The following ANO9 variants were observed in gnomAD, a reference collection of about 807,000 sequenced individuals.
ANO9 encodes anoctamin-9.
ANO9 carries 80 observed loss-of-function variants against 100.5 expected under a neutral mutation model. The observed-to-expected ratio is 0.80, with a 90% confidence interval of 0.66 to 0.96. The LOEUF (loss-of-function observed/expected upper bound fraction) is 0.96, where lower values mean the gene tolerates loss of function less well. Among genes scored for constraint, ANO9 ranks in the 40% least tolerant of loss-of-function variants. The probability of loss-of-function intolerance (pLI) is 0.00; values close to 1 mark genes in which losing one functional copy is unlikely to be tolerated. For missense variants in ANO9, 1,064 were observed against 1,072.7 expected (o/e 0.99, Z 0.11); for synonymous variants, 473 against 435.6 (o/e 1.09, Z -1.07).
At chr11:433,207 C>G in intron 4 of ANO9, 107 bp downstream of exon 4, 1 of 1,464,396 alleles carries the variant, frequency 6.8e-7, no homozygotes, top group African/African-American at 1.4e-5. Context: ...CACGGCTGTC[C>G]TGCCTTGGCG....
rs1331287524 is a variant in ANO9, at chr11:425,972, T to TCCTC, written c.1334+2112_1334+2115dup. On this transcript the variant is annotated intron_variant, in intron 15 of 22. Coordinates refer to ENST00000332826, the MANE Select transcript of ANO9 (RefSeq NM_001012302.3). ...TACTCTCAATCTCTTGACCTCATGA[T>TCCTC]CCTCGTGCCTCGGCCTCCCAAAGTG... Among the ~76,000 whole-genome samples, 3 of 152,182 alleles carry TCCTC rather than the reference T, an allele frequency of 2.0e-5. No individual in the cohort carries two copies. In the East Asian group the frequency reaches 5.8e-4, roughly 29 times the overall value.
intron 1 of ANO9, 125 bp downstream of exon 1, chr11:441,796 G>A: frequency 7.1e-7 from 1 of 1,406,276 alleles, no homozygotes; most frequent in Non-Finnish European, 9.4e-7. Context: ...GCAGCCTGCA[G>A]GGACCCCCCC....
Position 428,625 on chromosome 11 carries a change from G to T in ANO9, c.1035C>A (p.Ile345=). Residue 345 remains isoleucine (I), a synonymous_variant, in exon 13 of 23, where the codon ATC becomes ATA. Coordinates refer to ENST00000332826, the MANE Select transcript of ANO9 (RefSeq NM_001012302.3). ...AGACCACCAGGACGTGGGCCATGCC[G>T]ATCATGAGGCAGATCTGCGGGACAG... The part of the protein sequence containing the change: ...VLTLLMICLM[I]GMAHVLVVYR... 1 of 1,611,952 alleles carries T rather than the reference G, an allele frequency of 6.2e-7. No homozygotes were observed.
At chr11:423,309 T>C (rs1381940138) in intron 15 of ANO9, among the ~76,000 whole-genome samples, 1 of 152,134 alleles carries the variant, frequency 6.6e-6, no homozygotes, top group Non-Finnish European at 1.5e-5. Context: ...ACTGGAATTG[T>C]CAGAATCCAT....
chr11:420,296 C>T, intron 19 of ANO9, 167 bp downstream of exon 19: 2 of 1,443,002 alleles, frequency 1.4e-6, no homozygotes, highest in Non-Finnish European at 1.8e-6. Flanking sequence ...TGGTACCCTC[C>T]CACCCAGGCT....
rs762745872 is a variant in ANO9, at chr11:427,180, T to C, written c.1334+908A>G. Reference sequence around the variant, plus strand: ...GCCTGGCCAACATGGTGAAACCCTTTCTCTACAAAAAATACAAAAATTAGC... The same window carrying C: ...GCCTGGCCAACATGGTGAAACCCTTCCTCTACAAAAAATACAAAAATTAGC... On this transcript the variant is annotated intron_variant, in intron 15 of 22. Transcript: ENST00000332826. Among the ~76,000 whole-genome samples, 42 of 152,218 alleles carry C rather than the reference T, an allele frequency of 2.8e-4. 1 individual carries two copies. The highest frequency in any genetic ancestry group is 4.6e-4 in the Admixed American group (7 of 15,294).
intron 15 of ANO9, among the ~76,000 whole-genome samples, chr11:425,648 GA>G (rs1007088858): frequency 6.8e-6 from 1 of 146,242 alleles, no homozygotes; most frequent in Admixed American, 6.7e-5. Context: ...CAATTCATAG[GA>G]AAAAAAATAC....
rs555825323 is a variant in ANO9 at position 420,474 on chromosome 11, G to A, written c.1775C>T (p.Ala592Val). Residue 592 changes from alanine (A) to valine (V), a missense_variant, in exon 19 of 23, where the codon GCC (alanine) becomes GTC (valine). Transcript: ENST00000332826. Reference sequence around the variant, plus strand: ...CCGCCCGGTCTGACCGATGTCCTTGGCCTTGCGCGGCACCAGGCGCCGCTG... The same window carrying A: ...CCGCCCGGTCTGACCGATGTCCTTGACCTTGCGCGGCACCAGGCGCCGCTG... The part of the protein sequence containing the change: ...WLQRRLVPRK[A>V]KDIGTWLQVL... 3 of 1,602,684 alleles carry A rather than the reference G, an allele frequency of 1.9e-6. No individual in the cohort carries two copies. Among genetic ancestry groups the A allele is most frequent in the Non-Finnish European group, 2.5e-6 (3 of 1,179,412 alleles).
chr11:420,032 AC>A, intron 19 of ANO9: 7 of 1,337,004 alleles, frequency 5.2e-6, no homozygotes, highest in Non-Finnish European at 6.7e-6. Context: ...CCAGGGTAAG[AC>A]CTTGTAACCT....
intron 18 of ANO9, 30 bp downstream of exon 18, chr11:420,688 G>C (rs761667410): frequency 1.2e-6 from 2 of 1,601,856 alleles, no homozygotes; most frequent in African/African-American, 2.7e-5. Flanking sequence ...ATTCGTCTCC[G>C]CGAACCCCCG....
intron 20 of ANO9, 176 bp downstream of exon 20, chr11:419,406 A>G: frequency 2.1e-6 from 3 of 1,426,316 alleles, no homozygotes; most frequent in Non-Finnish European, 1.8e-6. Context: ...CCTCCAGCCC[A>G]GGGCCTGCCG....
At chr11:419,048 C>T in intron 20 of ANO9, 59 bp from the exon 21 acceptor site, 1 of 1,608,748 alleles carries the variant, frequency 6.2e-7, no homozygotes, top group Non-Finnish European at 8.5e-7. Context: ...CCCCTTCAGG[C>T]CCCAGAGTGC....
rs370870803 is a variant in ANO9 at position 428,095 on chromosome 11, G to C, written c.1327C>G (p.Leu443Val). Residue 443 changes from leucine to valine, a missense_variant, in exon 15 of 23, where the codon CTG becomes GTG. Transcript: ENST00000332826. ...FSSLIYIAFI[L>V]GRINGHPGKS... ...GCCTGGCGCCGGCCCTACCTGCCCA[G>C]GATGAAGGCGATGTAGATGAGAGAC... 4 of 1,608,174 alleles carry C rather than the reference G, an allele frequency of 2.5e-6. No homozygotes were observed. Among genetic ancestry groups the C allele is most frequent in the East Asian group, 2.2e-5 (1 of 44,658 alleles).
rs7228 is a variant in ANO9, at chr11:418,025, G to C, written c.*346C>G. On this transcript the variant is annotated 3_prime_UTR_variant, in exon 23 of 23. Coordinates refer to ENST00000332826, the MANE Select transcript of ANO9 (RefSeq NM_001012302.3). ...CAGGACACCCCCAACAGCCAGGATG[G>C]GGGCACGGCAGGATCTGGCGCCCAG... 3,113 of 304,786 alleles carry C rather than the reference G, an allele frequency of 0.01. 30 individuals are homozygous for C. The highest frequency in any genetic ancestry group is 0.015 in the Middle Eastern group (16 of 1,052). 18.9% of individuals were successfully genotyped at this position (304,786 alleles called of 1,614,324 possible). A position where few individuals can be genotyped will look rare whatever the true frequency, so the allele number is the denominator to read the frequency against.
chr11:420,077 C>T (rs1301834020), intron 19 of ANO9: 6 of 1,320,410 alleles, frequency 4.5e-6, no homozygotes, highest in Admixed American at 6.8e-5. Flanking sequence ...TAACACCTCT[C>T]TCCCTTTCCC....
At position 429,793 on chromosome 11, in the gene ANO9, C is replaced by T. The variant is rs202201145; in HGVS notation, c.797G>A (p.Gly266Asp). ...AKLTHLFDNDGTVVFAIFMAL... is the reference protein window; with the variant it reads ...AKLTHLFDNDDTVVFAIFMAL... ...CATGAAGATGGCGAACACCACCGTG[C>T]CATCATTGTCAAAGAGGTGGGTGAG... Residue 266 changes from glycine (G) to aspartate (D), a missense_variant, in exon 10 of 23, where the codon GGC becomes GAC. Transcript: ENST00000332826. 1 of 1,608,218 alleles carries T rather than the reference C, an allele frequency of 6.2e-7. No individual in the cohort carries two copies. The highest frequency in any genetic ancestry group is 1.3e-5 in the African/African-American group (1 of 74,954).
At position 429,391 on chromosome 11, in the gene ANO9, A is replaced by T. The variant is rs1848743768; in HGVS notation, c.915+179T>A. 11 of 1,395,860 alleles carry T rather than the reference A, an allele frequency of 7.9e-6. No homozygotes were observed. In the South Asian group the frequency reaches 1.3e-4, roughly 16 times the overall value. 86.5% of individuals were successfully genotyped at this position (1,395,860 alleles called of 1,614,324 possible). A position where few individuals can be genotyped will look rare whatever the true frequency, so the allele number is the denominator to read the frequency against. On this transcript the variant is annotated intron_variant, in intron 11 of 22. Transcript: ENST00000332826. Reference sequence around the variant, plus strand: ...CGGGACACTCACCCCACACGTGGGGAGACAGACACAGGGACACGCCTCACA... The same window carrying T: ...CGGGACACTCACCCCACACGTGGGGTGACAGACACAGGGACACGCCTCACA...
Position 420,545 on chromosome 11 carries a change from G to T in ANO9, c.1704C>A (p.Ser568Arg). The T allele has an allele frequency of 6.2e-7, 1 of 1,606,108 alleles. No individual in the cohort carries two copies. The change falls in exon 19 of 23, where the codon AGC (serine) becomes AGA (arginine). Residue 568 changes from serine to arginine, a missense_variant. Coordinates refer to ENST00000332826, the MANE Select transcript of ANO9 (RefSeq NM_001012302.3). ...FPLAPLLALF[S>R]NLVEIRLDAI... ...CGTCCAGGCGGATCTCCACGAGGTT[G>T]CTGAAGAGCGCGAGCAGCGGCGCCA...
Position 429,338 on chromosome 11 carries a change from A to G in ANO9, c.915+232T>C, listed in dbSNP as rs1392101453. The G allele has an allele frequency of 2.0e-5, 20 of 1,000,068 alleles. No individual in the cohort carries two copies. The East Asian group carries it at 5.1e-4, about 26-fold the overall frequency. 61.9% of individuals were successfully genotyped at this position (1,000,068 alleles called of 1,614,324 possible). On this transcript the variant is annotated intron_variant, in intron 11 of 22. Transcript: ENST00000332826. ...ACCCCACACGTGGGGAGACAGACACAGCGACACGCCTCACGGGTGGACAGA... is the reference window on the plus strand; with the variant it reads ...ACCCCACACGTGGGGAGACAGACACGGCGACACGCCTCACGGGTGGACAGA...
Sources: gnomAD v4.1 joint callset for allele counts (sites outside exome capture counted in the v4.1 genomes callset) on GRCh38, gnomAD v4.1.1 for gene constraint, MANE v1.5 for transcripts, NCBI Gene and HGNC (gene_info 2026-07-23, HGNC 2026-07-21) for gene names.